Variants in RALGAPA1 observed in about 807,000 individuals in gnomAD.
RALGAPA1 encodes the protein ral GTPase-activating protein subunit alpha-1.
A neutral mutation model predicts 269.6 loss-of-function variants in RALGAPA1; 52 were observed. The ratio of observed to expected loss-of-function variants is 0.19; its 90% CI spans 0.15 to 0.24. The LOEUF (loss-of-function observed/expected upper bound fraction) is 0.24. Among genes scored for constraint, RALGAPA1 ranks in the 10% least tolerant of loss-of-function variants. The pLI is 1.00. For missense variants in RALGAPA1, 1,917 were observed against 3,013.9 expected (o/e 0.64, Z 8.52); for synonymous variants, 817 against 1,008.3 (o/e 0.81, Z 3.60).
chr14:35,737,675 T>G (rs749049966), intron 12 of RALGAPA1, among the ~76,000 whole-genome samples: 15 of 137,854 alleles, frequency 1.1e-4, no homozygotes, highest in Non-Finnish European at 1.8e-4. Context: ...AGGAGAATCA[T>G]TTGAACCCAG....
At chr14:35,808,467 T>G (rs937553755) in intron 1 of RALGAPA1, among the ~76,000 whole-genome samples, 1 of 152,226 alleles carries the variant, frequency 6.6e-6, no homozygotes, top group Non-Finnish European at 1.5e-5. Flanking sequence ...GTCTTAAAGA[T>G]CTAAGTTTTT....
intron 7 of RALGAPA1, among the ~76,000 whole-genome samples, chr14:35,752,537 A>G (rs2072814699): frequency 2.0e-5 from 3 of 152,164 alleles, no homozygotes; most frequent in Admixed American, 2.0e-4. Context: ...AGCAGCAGTC[A>G]AGTGCAGACG....
At chr14:35,654,579 A>AT in intron 29 of RALGAPA1, 102 bp from the exon 30 acceptor site, 14 of 1,313,524 alleles carry the variant, frequency 1.1e-5, no homozygotes, top group South Asian at 3.2e-5. Flanking sequence ...GTAGGATTAT[A>AT]AATCCTACAT....
intron 13 of RALGAPA1, among the ~76,000 whole-genome samples, chr14:35,726,158 C>T (rs1567097733): frequency 6.6e-6 from 1 of 152,066 alleles, no homozygotes; most frequent in African/African-American, 2.4e-5. Context: ...GTGGCAGGGG[C>T]GGCAACAGAT....
At chr14:35,584,117 G>A (rs2139653387) in intron 37 of RALGAPA1, among the ~76,000 whole-genome samples, 1 of 152,108 alleles carries the variant, frequency 6.6e-6, no homozygotes, top group South Asian at 2.1e-4. Context: ...TAGCAGCAAT[G>A]TATTTGAATA....
At chr14:35,608,772 A>G (rs1252928686) in intron 35 of RALGAPA1, among the ~76,000 whole-genome samples, 1 of 152,250 alleles carries the variant, frequency 6.6e-6, no homozygotes, top group African/African-American at 2.4e-5. Context: ...CCCACTTTCA[A>G]TAATGGACAG....
At position 35,769,006 on chromosome 14, in the gene RALGAPA1, C is replaced by A. The variant is rs1383087964; in HGVS notation, c.325+1936G>T. Among the ~76,000 whole-genome samples, 40 of 19,216 alleles carry A rather than the reference C, an allele frequency of 2.1e-3. 1 individual carries two copies. The highest frequency in any genetic ancestry group is 2.6e-3 in the Non-Finnish European group (36 of 13,674). 12.6% of individuals were successfully genotyped at this position (19,216 alleles called of 152,430 possible). A position where few individuals can be genotyped will look rare whatever the true frequency, so the allele number is the denominator to read the frequency against. On this transcript the variant is annotated intron_variant, in intron 4 of 41. Coordinates refer to ENST00000680220, the MANE Select transcript of RALGAPA1 (RefSeq NM_001346249.2). ...CTGGGCAACAAGGGCGAAACTCCGTCTCAAAAAAAAAAAAAAAAAAAAAAA... is the reference window on the plus strand; with the variant it reads ...CTGGGCAACAAGGGCGAAACTCCGTATCAAAAAAAAAAAAAAAAAAAAAAA...
chr14:35,625,808 T>C (rs1399698953), intron 34 of RALGAPA1, among the ~76,000 whole-genome samples: 4 of 152,224 alleles, frequency 2.6e-5, no homozygotes, highest in Non-Finnish European at 1.5e-5. Context: ...TCTATATCAT[T>C]ATCAAGTAAG....
rs2072282278 is a variant in RALGAPA1, at chr14:35,747,968, A to G, written c.1251+617T>C. On this transcript the variant is annotated intron_variant, in intron 10 of 41. Transcript: ENST00000680220. ...CTTTGACTTCAGAATGCCTTAGAGG[A>G]CAAAACTAAGCCTTGAGGGTAAAAG... Among the ~76,000 whole-genome samples the G allele has an allele frequency of 4.6e-5, 7 of 152,046 alleles. 1 individual carries two copies. In the South Asian group the frequency reaches 1.5e-3, roughly 32 times the overall value.
chr14:35,690,113 G>A (rs2066351934), intron 17 of RALGAPA1, 110 bp from the exon 18 acceptor site: 5 of 786,634 alleles, frequency 6.4e-6, no homozygotes, highest in East Asian at 3.3e-5. Context: ...CTGAGTTTTT[G>A]TAAGCTCAAT....
intron 30 of RALGAPA1, 35 bp downstream of exon 30, chr14:35,654,332 A>G: frequency 6.6e-7 from 1 of 1,525,732 alleles, no homozygotes; most frequent in South Asian, 1.3e-5. Context: ...AAAAAATTTA[A>G]CAAGGTCATA....
At position 35,673,074 on chromosome 14, in the gene RALGAPA1, ATAACT is replaced by A. The variant is rs1212837525; in HGVS notation, c.4918-57_4918-53del. On this transcript the variant is annotated intron_variant, in intron 24 of 41. Coordinates refer to ENST00000680220, the MANE Select transcript of RALGAPA1 (RefSeq NM_001346249.2). ...TTCAAAAAGAAATACTATTTGCTAA[ATAACT>A]TAAGCAACTGAATATAGCAAACGAT... 10 of 1,362,960 alleles carry A rather than the reference ATAACT, an allele frequency of 7.3e-6. No individual in the cohort carries two copies. In the African/African-American group the frequency reaches 1.4e-4, roughly 19 times the overall value. The allele number at this position is 1,362,960 out of a possible 1,614,324, so 84.4% of individuals were successfully genotyped here.
intron 16 of RALGAPA1, among the ~76,000 whole-genome samples, chr14:35,717,208 T>A (rs1208089656): frequency 6.6e-6 from 1 of 152,188 alleles, no homozygotes; most frequent in African/African-American, 2.4e-5. Context: ...TGGAGTGCAA[T>A]GGTGCGATCT....
chr14:35,549,894 C>G (rs563466482), intron 39 of RALGAPA1, among the ~76,000 whole-genome samples: 3 of 152,256 alleles, frequency 2.0e-5, no homozygotes, highest in East Asian at 3.9e-4. Flanking sequence ...CTGAAACAAG[C>G]AGGAATATTT....
Position 35,685,014 on chromosome 14 carries a change from G to A in RALGAPA1, c.4209C>T (p.Ala1403=), listed in dbSNP as rs1373367638. ...PGVPSEWTSP[A]SAGSSDLISS... ...TGATAAGATCACTGCTCCCTGCACT[G>A]GCAGGAGAAGTCCATTCTGAGGGCA... Residue 1403 remains alanine, a synonymous_variant, in exon 20 of 42, where the codon GCC becomes GCT. Transcript: ENST00000680220. The A allele has an allele frequency of 1.2e-6, 2 of 1,612,340 alleles. No homozygotes were observed. The highest frequency in any genetic ancestry group is 1.7e-6 in the Non-Finnish European group (2 of 1,179,260).
chr14:35,680,564 T>C (rs139128661), intron 21 of RALGAPA1, among the ~76,000 whole-genome samples: 2 of 151,660 alleles, frequency 1.3e-5, no homozygotes, highest in African/African-American at 4.9e-5. Flanking sequence ...CACCAGAGAA[T>C]CACTACTGCC....
intron 26 of RALGAPA1, 49 bp from the exon 27 acceptor site, chr14:35,664,816 A>G: frequency 6.4e-7 from 1 of 1,567,296 alleles, no homozygotes; most frequent in South Asian, 1.2e-5. Context: ...GTGTTATGAA[A>G]TTATCAGAAA....
intron 5 of RALGAPA1, among the ~76,000 whole-genome samples, chr14:35,762,188 A>G (rs1382760107): frequency 6.6e-6 from 1 of 152,026 alleles, no homozygotes; most frequent in East Asian, 1.9e-4. Flanking sequence ...AAAGTACAAC[A>G]GTTTTTTCAA....
intron 37 of RALGAPA1, among the ~76,000 whole-genome samples, chr14:35,591,610 C>A (rs998636118): frequency 2.0e-5 from 3 of 152,152 alleles, no homozygotes; most frequent in Admixed American, 1.3e-4. Flanking sequence ...GCCACCACAC[C>A]TGGCCTGGAA....
Sources: gnomAD v4.1 joint callset for allele counts (sites outside exome capture counted in the v4.1 genomes callset) on GRCh38, gnomAD v4.1.1 for gene constraint, MANE v1.5 for transcripts, NCBI Gene and HGNC (gene_info 2026-07-23, HGNC 2026-07-21) for gene names.